ZCCHC10: variants seen among roughly 807,000 people sequenced by gnomAD.
ZCCHC10 encodes the protein zinc finger CCHC domain-containing protein 10.
In ZCCHC10, 16 loss-of-function variants were observed where a neutral mutation model predicts 19.5. That is an observed-to-expected ratio of 0.82 (90% CI 0.56 to 1.25). The LOEUF (loss-of-function observed/expected upper bound fraction) is 1.25, where lower values mean the gene tolerates loss of function less well. Among genes scored for constraint, ZCCHC10 ranks in the 50% most tolerant of loss-of-function variants. The probability of loss-of-function intolerance (pLI) is 0.00; values close to 1 mark genes in which losing one functional copy is unlikely to be tolerated. For synonymous variants in ZCCHC10, 67 were observed against 72.5 expected, an observed-to-expected ratio of 0.92 and a Z score of 0.38; for missense variants, 197 against 201.0, an observed-to-expected ratio of 0.98 and a Z score of 0.12.
chr5:133,011,429 C>G (rs1398982028), intron 2 of ZCCHC10: 2 of 151,540 alleles, frequency 1.3e-5, no homozygotes, highest in East Asian at 3.9e-4. Context: ...TCAGGACCAT[C>G]CTGGCCACGA....
rs1438267510 is a variant in ZCCHC10, at chr5:133,003,080, G to A, written c.270-2907C>T. On this transcript the variant is annotated intron_variant, in intron 3 of 4. Coordinates refer to ENST00000509437, the MANE Select transcript of ZCCHC10 (RefSeq NM_001300816.3). ...TAGCCCAGGGCCTGGTGGCTAGGCT[G>A]GTTGTCTCCTTTCCAGTTGGAGGCT... 4 of 273,530 alleles carry A rather than the reference G, an allele frequency of 1.5e-5. No individual in the cohort carries two copies. The East Asian group carries it at 3.8e-4, about 26-fold the overall frequency. The allele number at this position is 273,530 out of a possible 1,614,324, so 16.9% of individuals were successfully genotyped here.
chr5:133,015,031 T>C (rs1763825294), intron 2 of ZCCHC10, among the ~76,000 whole-genome samples: 1 of 152,114 alleles, frequency 6.6e-6, no homozygotes, highest in Non-Finnish European at 1.5e-5. Flanking sequence ...GATGTTCACT[T>C]TGATCCCTTG....
chr5:133,011,976 T>C (rs1326859710), intron 2 of ZCCHC10, among the ~76,000 whole-genome samples: 1 of 149,832 alleles, frequency 6.7e-6, no homozygotes, highest in African/African-American at 2.5e-5. Context: ...CCAAAAAAAA[T>C]TTCTAAAACA....
intron 1 of ZCCHC10, 45 bp downstream of exon 1, chr5:133,026,452 C>T: frequency 6.2e-7 from 1 of 1,609,006 alleles, no homozygotes; most frequent in Non-Finnish European, 8.5e-7. Context: ...CGCGCGTTTC[C>T]CCGCTCCCAG....
intron 2 of ZCCHC10, among the ~76,000 whole-genome samples, chr5:133,017,458 C>G (rs1281400324): frequency 6.6e-6 from 1 of 151,998 alleles, no homozygotes; most frequent in Non-Finnish European, 1.5e-5. Flanking sequence ...CAACCTGAAT[C>G]TCCTGAGCTC....
chr5:133,021,719 CA>C (rs1388913170), intron 2 of ZCCHC10, among the ~76,000 whole-genome samples: 1 of 152,136 alleles, frequency 6.6e-6, no homozygotes, highest in Non-Finnish European at 1.5e-5. Context: ...AAATACTGTA[CA>C]TTAGGCTGCC....
At chr5:133,022,003 C>G (rs1764345478) in intron 2 of ZCCHC10, among the ~76,000 whole-genome samples, 1 of 152,056 alleles carries the variant, frequency 6.6e-6, no homozygotes, top group Non-Finnish European at 1.5e-5. Flanking sequence ...CCATGTTGAT[C>G]AAGCTGGTCT....
chr5:133,003,654 C>CTGA (rs1236655263), intron 3 of ZCCHC10, among the ~76,000 whole-genome samples: 1 of 151,524 alleles, frequency 6.6e-6, no homozygotes, highest in Non-Finnish European at 1.5e-5. Flanking sequence ...CAGCATTTGG[C>CTGA]TGATAGTATA....
chr5:132,998,559 C>T lies in ZCCHC10; in HGVS notation c.*24G>A, dbSNP rs995952397. On this transcript the variant is annotated 3_prime_UTR_variant, in exon 5 of 5. Transcript: ENST00000509437. ...AATCACATCAATGTTTTCAGTCCAT[C>T]AGTCCAATATGAATGGAGCAACTCT... 6 of 1,594,014 alleles carry T rather than the reference C, an allele frequency of 3.8e-6. No individual in the cohort carries two copies. Among genetic ancestry groups the T allele is most frequent in the Non-Finnish European group, 5.1e-6 (6 of 1,167,628 alleles).
At chr5:133,004,610 T>C (rs565245446) in intron 3 of ZCCHC10, among the ~76,000 whole-genome samples, 2 of 152,290 alleles carry the variant, frequency 1.3e-5, no homozygotes, top group African/African-American at 4.8e-5. Context: ...TGGCTCAGCC[T>C]CCCGAATAGC....
At chr5:133,006,662 T>C in intron 3 of ZCCHC10, 97 bp downstream of exon 3, 1 of 1,200,864 alleles carries the variant, frequency 8.3e-7, no homozygotes, top group Non-Finnish European at 1.1e-6. Context: ...AACATTATAA[T>C]TAAAATCTGG....
chr5:133,000,754 T>C (rs1344570355), intron 3 of ZCCHC10, among the ~76,000 whole-genome samples: 1 of 151,654 alleles, frequency 6.6e-6, no homozygotes, highest in Non-Finnish European at 1.5e-5. Flanking sequence ...GGAATTCTTC[T>C]GCCTCAGCCT....
At chr5:133,007,249 A>G (rs1196623863) in intron 2 of ZCCHC10, among the ~76,000 whole-genome samples, 1 of 152,142 alleles carries the variant, frequency 6.6e-6, no homozygotes, top group Non-Finnish European at 1.5e-5. Context: ...GGTTTTAAAA[A>G]TAGGAGTTTC....
intron 2 of ZCCHC10, among the ~76,000 whole-genome samples, chr5:133,012,152 A>G (rs1250499058): frequency 6.2e-5 from 5 of 81,240 alleles, no homozygotes; most frequent in African/African-American, 9.5e-5. Context: ...AAAAAAAAAA[A>G]AAAGAAAGAA....
intron 2 of ZCCHC10, among the ~76,000 whole-genome samples, chr5:133,018,698 A>G (rs1764090606): frequency 6.6e-6 from 1 of 152,134 alleles, no homozygotes; most frequent in Non-Finnish European, 1.5e-5. Context: ...GTGAGCCACC[A>G]CGTCCAGCCT....
At chr5:133,023,416 C>T (rs1329516578) in intron 1 of ZCCHC10, among the ~76,000 whole-genome samples, 1 of 148,982 alleles carries the variant, frequency 6.7e-6, no homozygotes, top group Non-Finnish European at 1.5e-5. Flanking sequence ...ATGAGGAGTT[C>T]GTATTTAGAC....
intron 3 of ZCCHC10, among the ~76,000 whole-genome samples, chr5:133,005,684 C>A (rs1031464896): frequency 6.6e-6 from 1 of 151,940 alleles, no homozygotes; most frequent in African/African-American, 2.4e-5. Flanking sequence ...GGTTTTTATA[C>A]GTGAGGACAA....
At chr5:133,015,370 C>T (rs558343957) in intron 2 of ZCCHC10, among the ~76,000 whole-genome samples, 2 of 152,238 alleles carry the variant, frequency 1.3e-5, no homozygotes, top group Admixed American at 6.6e-5. Flanking sequence ...GAAGCCACCG[C>T]GTTTGGCCTG....
chr5:133,000,415 TAA>T (rs886122647), intron 3 of ZCCHC10, among the ~76,000 whole-genome samples: 41 of 152,298 alleles, frequency 2.7e-4, no homozygotes, highest in African/African-American at 8.9e-4. Flanking sequence ...AGCACGTGTA[TAA>T]AAGTCAGGTA....
Sources: allele counts gnomAD v4.1 joint callset (sites outside exome capture counted in the v4.1 genomes callset), GRCh38; gene constraint gnomAD v4.1.1; transcripts MANE v1.5; gene names NCBI Gene and HGNC (gene_info 2026-07-23, HGNC 2026-07-21).